PLXNA4: variants seen among roughly 807,000 people sequenced by gnomAD.
PLXNA4 encodes the protein plexin-A4.
Under a neutral mutation model 191.8 loss-of-function variants are expected in PLXNA4, and 44 were observed. That is an observed-to-expected ratio of 0.23 (90% CI 0.18 to 0.29). PLXNA4 has a LOEUF of 0.29. PLXNA4 is among the 10% of genes least tolerant of loss of function. PLXNA4 has a pLI of 1.00. For missense variants in PLXNA4, 1,800 were observed against 2,488.8 expected (o/e 0.72, Z 5.89); for synonymous variants, 1,082 against 1,009.5 (o/e 1.07, Z -1.36).
In PLXNA4 at chr7:132,487,693, C is replaced by T. The variant is rs867043347; in HGVS notation, c.1371+1599G>A. ...AGTCAACCAGGATTCCTGGCAGCAA[C>T]TGGAAGTGATGAGTGGCCAAGTGCA... is the stretch of plus-strand genomic sequence containing the variant. On this transcript the variant is annotated intron_variant, in intron 3 of 31. Transcript: ENST00000321063. Among the ~76,000 whole-genome samples, 19 of 152,290 alleles carry T rather than the reference C, an allele frequency of 1.2e-4. 1 individual carries two copies. In the Middle Eastern group the frequency reaches 0.014, roughly 109 times the overall value.
intron 3 of PLXNA4, among the ~76,000 whole-genome samples, chr7:132,427,334 G>T (rs1795083463): frequency 6.6e-6 from 1 of 152,216 alleles, no homozygotes; most frequent in African/African-American, 2.4e-5. Context: ...AACAGCCAGG[G>T]GAGCTGGGGT....
rs776434918 is a variant in PLXNA4 at position 132,147,901 on chromosome 7, A to G, written c.4863T>C (p.Tyr1621=). The change falls in exon 27 of 32, where the codon TAT becomes TAC. Residue 1621 remains tyrosine, a splice_region_variant and synonymous_variant. Transcript: ENST00000321063. ...CTAGGACACTCGGTGGGATCTTACCATATTTACTTGCTGAGGTCCTGGAGA... is the reference window on the plus strand; with the variant it reads ...CTAGGACACTCGGTGGGATCTTACCGTATTTACTTGCTGAGGTCCTGGAGA... ...STVSRTSASK[Y]ENMIRYTGSP... The G allele has an allele frequency of 6.2e-7, 1 of 1,613,970 alleles. No homozygotes were observed. The highest frequency in any genetic ancestry group is 8.5e-7 in the Non-Finnish European group (1 of 1,180,000).
chr7:132,347,570 T>C (rs1163871644), intron 3 of PLXNA4, among the ~76,000 whole-genome samples: 1 of 152,126 alleles, frequency 6.6e-6, no homozygotes, highest in African/African-American at 2.4e-5. Flanking sequence ...CAAAAAGCCG[T>C]CCAAAATCGT....
rs747460338 is a variant in PLXNA4 at position 132,133,231 on chromosome 7, A to AGTC, written c.5439-35_5439-33dup. 2.6e-5 allele frequency: 42 copies of AGTC among 1,610,260 alleles called. No homozygotes were observed. In the African/African-American group the frequency reaches 4.7e-4, roughly 18 times the overall value. ...AGGGATGGAAATAGGGAGAAGCTGA[A>AGTC]GTCGTGCATACGGAGTAGAGGAGAG... is the stretch of plus-strand genomic sequence containing the variant. On this transcript the variant is annotated intron_variant, in intron 30 of 31. Transcript: ENST00000321063.
At chr7:132,568,834 G>C (rs1801849777) in intron 1 of PLXNA4, among the ~76,000 whole-genome samples, 2 of 152,202 alleles carry the variant, frequency 1.3e-5, no homozygotes, top group South Asian at 4.1e-4. Context: ...TATGTATTTA[G>C]GGAGGAAAAC....
At chr7:132,139,233 A>G (rs1795198303) in intron 30 of PLXNA4, among the ~76,000 whole-genome samples, 1 of 152,156 alleles carries the variant, frequency 6.6e-6, no homozygotes, top group African/African-American at 2.4e-5. Flanking sequence ...GGGGAGAGGG[A>G]AAAACAAAAT....
intron 10 of PLXNA4, among the ~76,000 whole-genome samples, chr7:132,207,062 A>T (rs1797648777): frequency 6.6e-6 from 1 of 152,222 alleles, no homozygotes; most frequent in Admixed American, 6.5e-5. Context: ...TCCTCCAGCC[A>T]GTCCCTTGTC....
chr7:132,274,574 AT>A (rs1368781175), intron 4 of PLXNA4, among the ~76,000 whole-genome samples: 25 of 151,982 alleles, frequency 1.6e-4, no homozygotes, highest in South Asian at 2.1e-4. Flanking sequence ...TAACCTCATC[AT>A]CTCTCATTTC....
In PLXNA4 at chr7:132,316,530, TAATC is replaced by T. The variant is rs547673054; in HGVS notation, c.1372-18312_1372-18309del. On this transcript the variant is annotated intron_variant, in intron 3 of 31. Coordinates refer to ENST00000321063, the MANE Select transcript of PLXNA4 (RefSeq NM_020911.2). ...ATTTAACCCTAGCCTATAAAGTACT[TAATC>T]AATAATAGCTTGGTGCCTCAAATTT... 4.4e-3 allele frequency among the ~76,000 whole-genome samples: 670 copies of T among 152,300 alleles called. 8 individuals carry two copies. The highest frequency in any genetic ancestry group is 0.015 in the African/African-American group (637 of 41,568).
chr7:132,432,604 G>A (rs1348677301), intron 3 of PLXNA4, among the ~76,000 whole-genome samples: 1 of 152,166 alleles, frequency 6.6e-6, no homozygotes, highest in South Asian at 2.1e-4. Context: ...TTGATGGGGT[G>A]TGGGGAAGGA....
At chr7:132,550,476 G>A (rs1327630865) in intron 1 of PLXNA4, among the ~76,000 whole-genome samples, 1 of 152,228 alleles carries the variant, frequency 6.6e-6, no homozygotes, top group African/African-American at 2.4e-5. Context: ...AGGGAGAATA[G>A]CAATGAGAGG....
At chr7:132,464,447 C>A (rs1485705204) in intron 3 of PLXNA4, among the ~76,000 whole-genome samples, 1 of 152,174 alleles carries the variant, frequency 6.6e-6, no homozygotes. Flanking sequence ...AGTTTTGTGA[C>A]CTTGCCTGAG....
At chr7:132,132,538 TTCTATTCTATTCTATTCTATTCTAC>T (rs1374377922) in intron 31 of PLXNA4, among the ~76,000 whole-genome samples, 2 of 147,744 alleles carry the variant, frequency 1.4e-5, no homozygotes, top group African/African-American at 2.7e-5. Flanking sequence ...TTCTATTCTA[TTCTATTCTATTCTATTCTATTCTAC>T]TCCGTTCCAT....
At chr7:132,435,065 G>A (rs986320171) in intron 3 of PLXNA4, among the ~76,000 whole-genome samples, 5 of 152,100 alleles carry the variant, frequency 3.3e-5, no homozygotes, top group East Asian at 1.9e-4. Context: ...GTCAGTCTGC[G>A]CTTCTGGCAT....
At chr7:132,509,658 G>T (rs537517304) in intron 1 of PLXNA4, among the ~76,000 whole-genome samples, 1 of 152,240 alleles carries the variant, frequency 6.6e-6, no homozygotes, top group South Asian at 2.1e-4. Context: ...CACAGTTGGG[G>T]CTGTACCGTG....
At chr7:132,383,049 C>A (rs1180287406) in intron 3 of PLXNA4, among the ~76,000 whole-genome samples, 2 of 152,078 alleles carry the variant, frequency 1.3e-5, no homozygotes, top group Non-Finnish European at 2.9e-5. Flanking sequence ...AGGGTGCATC[C>A]TTTGTAGGAA....
intron 1 of PLXNA4, among the ~76,000 whole-genome samples, chr7:132,574,255 G>T (rs990552178): frequency 2.6e-5 from 4 of 152,218 alleles, no homozygotes; most frequent in Admixed American, 6.5e-5. Context: ...GGTCTACAGG[G>T]AAGACACAGA....
chr7:132,242,149 G>GTT (rs139529609), intron 4 of PLXNA4, among the ~76,000 whole-genome samples: 5,712 of 147,406 alleles, frequency 0.039, 161 homozygotes, highest in Non-Finnish European at 0.059. Context: ...TTTACAAAAA[G>GTT]TATTTTTTTT....
At chr7:132,317,931 C>T (rs922400418) in intron 3 of PLXNA4, among the ~76,000 whole-genome samples, 2 of 152,130 alleles carry the variant, frequency 1.3e-5, no homozygotes, top group Non-Finnish European at 2.9e-5. Context: ...GAGCAAGGGT[C>T]GGGGCCAGGC....
Sources: gnomAD v4.1 joint callset for allele counts (sites outside exome capture counted in the v4.1 genomes callset) on GRCh38, gnomAD v4.1.1 for gene constraint, MANE v1.5 for transcripts, NCBI Gene and HGNC (gene_info 2026-07-23, HGNC 2026-07-21) for gene names.